Variants in NKAIN3 observed in about 807,000 individuals in gnomAD.
NKAIN3 encodes the protein sodium/potassium-transporting ATPase subunit beta-1-interacting protein 3.
A neutral mutation model predicts 30.2 loss-of-function variants in NKAIN3; 25 were observed. The ratio of observed to expected loss-of-function variants is 0.83; its 90% CI spans 0.60 to 1.16. The LOEUF is 1.16. Among genes scored for constraint, NKAIN3 ranks in the 50% most tolerant of loss-of-function variants. The pLI, the probability that NKAIN3 is intolerant of heterozygous loss-of-function variation, is 0.00. For missense variants in NKAIN3, 225 were observed against 254.1 expected (o/e 0.89, Z 0.78); for synonymous variants, 91 against 89.6 (o/e 1.02, Z -0.09).
intron 1 of NKAIN3, among the ~76,000 whole-genome samples, chr8:62,317,326 G>C (rs1053705286): frequency 5.9e-5 from 9 of 152,208 alleles, no homozygotes; most frequent in African/African-American, 2.2e-4. Flanking sequence ...TGCTTTTGAT[G>C]TTTTAGACAT....
chr8:62,633,463 T>C (rs1260408724), intron 3 of NKAIN3, among the ~76,000 whole-genome samples: 2 of 152,126 alleles, frequency 1.3e-5, no homozygotes, highest in African/African-American at 4.8e-5. Context: ...TAAAATACAA[T>C]AGTAACAATA....
At chr8:62,481,243 A>G (rs1806708695) in intron 1 of NKAIN3, among the ~76,000 whole-genome samples, 2 of 152,112 alleles carry the variant, frequency 1.3e-5, no homozygotes, top group Non-Finnish European at 2.9e-5. Context: ...TGCTCCAGCA[A>G]CAGTAATAAC....
rs182962286 is a variant in NKAIN3 at position 62,613,631 on chromosome 8, G to T, written c.273+23837G>T. ...TCTACTCATGTCTCTTTCTCTACTT[G>T]CTCTTTAAGGCCAGTGACTTAGATT... On this transcript the variant is annotated intron_variant, in intron 3 of 6. Coordinates refer to ENST00000623646, the MANE Select transcript of NKAIN3 (RefSeq NM_001304533.3). 2.6e-3 allele frequency among the ~76,000 whole-genome samples: 391 copies of T among 151,976 alleles called. 3 individuals carry two copies. Among genetic ancestry groups the T allele is most frequent in the African/African-American group, 8.6e-3 (355 of 41,480 alleles).
intron 4 of NKAIN3, among the ~76,000 whole-genome samples, chr8:62,905,159 G>T (rs1044422975): frequency 6.6e-6 from 1 of 152,200 alleles, no homozygotes; most frequent in Non-Finnish European, 1.5e-5. Flanking sequence ...TTACAACTGG[G>T]CTTAAAGAAT....
At chr8:62,697,621 C>T (rs1421645233) in intron 3 of NKAIN3, among the ~76,000 whole-genome samples, 1 of 152,132 alleles carries the variant, frequency 6.6e-6, no homozygotes, top group Non-Finnish European at 1.5e-5. Flanking sequence ...AATCTCCCAA[C>T]TTCTAGAACA....
intron 1 of NKAIN3, among the ~76,000 whole-genome samples, chr8:62,275,098 T>C (rs1812898744): frequency 6.6e-6 from 1 of 152,226 alleles, no homozygotes; most frequent in Non-Finnish European, 1.5e-5. Flanking sequence ...TATAGTCCTT[T>C]GGGTATATAC....
intron 3 of NKAIN3, among the ~76,000 whole-genome samples, chr8:62,641,687 G>A (rs1234793280): frequency 6.6e-6 from 1 of 152,094 alleles, no homozygotes; most frequent in Non-Finnish European, 1.5e-5. Context: ...AAAGTGAGAG[G>A]CAAGATTAGG....
intron 4 of NKAIN3, among the ~76,000 whole-genome samples, chr8:62,894,228 A>C (rs1471898654): frequency 6.6e-6 from 1 of 152,168 alleles, no homozygotes; most frequent in Non-Finnish European, 1.5e-5. Context: ...GGTTGAGCTG[A>C]ATGTCAATTA....
chr8:62,485,705 A>T (rs1806878562), intron 1 of NKAIN3, among the ~76,000 whole-genome samples: 1 of 152,220 alleles, frequency 6.6e-6, no homozygotes, highest in Non-Finnish European at 1.5e-5. Context: ...AAGATCAGGT[A>T]AGAGGCTGTA....
chr8:62,444,421 C>T (rs1248094643), intron 1 of NKAIN3, among the ~76,000 whole-genome samples: 1 of 152,124 alleles, frequency 6.6e-6, no homozygotes, highest in South Asian at 2.1e-4. Context: ...AACAACCAAT[C>T]TACTCTCTAT....
At chr8:62,943,166 A>C (rs192784576) in intron 5 of NKAIN3, among the ~76,000 whole-genome samples, 3 of 152,286 alleles carry the variant, frequency 2.0e-5, no homozygotes, top group Admixed American at 6.5e-5. Context: ...CAATATCTAC[A>C]AGAAACTCAA....
chr8:62,487,411 G>A (rs1028656391), intron 1 of NKAIN3, among the ~76,000 whole-genome samples: 15 of 152,122 alleles, frequency 9.9e-5, no homozygotes, highest in Admixed American at 2.0e-4. Flanking sequence ...TATTACCCAC[G>A]GAGAGAAAGA....
chr8:62,344,929 C>T, intron 1 of NKAIN3: 2 of 345,394 alleles, frequency 5.8e-6, no homozygotes, highest in Admixed American at 7.4e-5. Flanking sequence ...TTAATTTTTC[C>T]AGTACAATCC....
At chr8:62,278,695 A>G (rs1813053300) in intron 1 of NKAIN3, among the ~76,000 whole-genome samples, 1 of 152,166 alleles carries the variant, frequency 6.6e-6, no homozygotes, top group African/African-American at 2.4e-5. Flanking sequence ...ATGTCCCTAT[A>G]AAGGACATGA....
At chr8:62,748,025 A>G (rs1816140083) in intron 4 of NKAIN3, among the ~76,000 whole-genome samples, 1 of 152,244 alleles carries the variant, frequency 6.6e-6, no homozygotes, top group Non-Finnish European at 1.5e-5. Flanking sequence ...AATCCTTGCT[A>G]TCACTTACTG....
At chr8:62,749,289 G>T (rs1207346625) in intron 4 of NKAIN3, among the ~76,000 whole-genome samples, 2 of 152,140 alleles carry the variant, frequency 1.3e-5, no homozygotes, top group Non-Finnish European at 2.9e-5. Flanking sequence ...ATAAGGAGCT[G>T]GAGTGTCACA....
chr8:62,412,948 A>G (rs1205050890), intron 1 of NKAIN3, among the ~76,000 whole-genome samples: 1 of 151,472 alleles, frequency 6.6e-6, no homozygotes, highest in Non-Finnish European at 1.5e-5. Context: ...GCAAAACATA[A>G]CAACAACAAA....
intron 3 of NKAIN3, among the ~76,000 whole-genome samples, chr8:62,677,763 A>T (rs1813520794): frequency 6.6e-6 from 1 of 152,188 alleles, no homozygotes. Flanking sequence ...CCGCTCTTCT[A>T]GGTGATTTAC....
chr8:62,260,965 A>G (rs1046365473), intron 1 of NKAIN3, among the ~76,000 whole-genome samples: 1 of 152,266 alleles, frequency 6.6e-6, no homozygotes, highest in East Asian at 1.9e-4. Flanking sequence ...TCTCTTCCCA[A>G]TTGTACATCC....
Sources: allele counts gnomAD v4.1 joint callset (sites outside exome capture counted in the v4.1 genomes callset), GRCh38; gene constraint gnomAD v4.1.1; transcripts MANE v1.5; gene names NCBI Gene and HGNC (gene_info 2026-07-23, HGNC 2026-07-21).